CNTLN: variants seen among roughly 807,000 people sequenced by gnomAD.
The protein encoded by CNTLN is centlein, also known as centlein, centrosomal protein.
CNTLN carries 212 observed loss-of-function variants against 180.0 expected under a neutral mutation model. The observed-to-expected ratio is 1.18, with a 90% CI of 1.05 to 1.32. The LOEUF (loss-of-function observed/expected upper bound fraction) is 1.32. CNTLN is among the 40% of genes most tolerant of loss of function. The pLI is 0.00. For synonymous variants in CNTLN, 722 were observed against 563.1 expected (o/e 1.28, Z -3.99); for missense variants, 2,095 against 1,610.9 (o/e 1.30, Z -5.14).
At chr9:17,253,579 A>C (rs746003975) in intron 5 of CNTLN, among the ~76,000 whole-genome samples, 5 of 151,154 alleles carry the variant, frequency 3.3e-5, no homozygotes, top group African/African-American at 1.2e-4. Flanking sequence ...TTCATTACTA[A>C]TGTATGGAAA....
At chr9:17,354,339 G>C (rs1351576144) in intron 12 of CNTLN, among the ~76,000 whole-genome samples, 1 of 152,222 alleles carries the variant, frequency 6.6e-6, no homozygotes, top group Non-Finnish European at 1.5e-5. Context: ...CACCGGGACT[G>C]GCAGGCAGCT....
chr9:17,522,173 T>C, the CNTLN span, among the ~76,000 whole-genome samples: 1 of 152,128 alleles, frequency 6.6e-6, no homozygotes, highest in Non-Finnish European at 1.5e-5. Flanking sequence ...ATTAAGGAGG[T>C]AATAATACAT....
intron 7 of CNTLN, chr9:17,302,117 C>A: frequency 1.4e-6 from 1 of 716,886 alleles, no homozygotes; most frequent in Non-Finnish European, 1.6e-6. Flanking sequence ...CACACACACA[C>A]ACAGACACAC....
chr9:17,302,195 C>A, intron 7 of CNTLN: 1 of 840,114 alleles, frequency 1.2e-6, no homozygotes. Flanking sequence ...TAACCATATG[C>A]AATTCACTTT....
chr9:17,149,463 A>G (rs1818692216), intron 2 of CNTLN, among the ~76,000 whole-genome samples: 1 of 147,118 alleles, frequency 6.8e-6, no homozygotes, highest in Non-Finnish European at 1.5e-5. Context: ...ATTTCTCCAG[A>G]TTCTCTCCAG....
At chr9:17,162,312 C>T (rs1819738345) in intron 2 of CNTLN, among the ~76,000 whole-genome samples, 1 of 152,126 alleles carries the variant, frequency 6.6e-6, no homozygotes, top group South Asian at 2.1e-4. Flanking sequence ...GACAGGGTCT[C>T]ACTGTGTTAG....
intron 12 of CNTLN, among the ~76,000 whole-genome samples, chr9:17,348,159 A>G (rs544573477): frequency 1.3e-5 from 2 of 152,238 alleles, no homozygotes; most frequent in South Asian, 2.1e-4. Flanking sequence ...CGCACTGAGT[A>G]TGTCGTACGT....
intron 10 of CNTLN, among the ~76,000 whole-genome samples, chr9:17,340,549 A>T (rs1821396636): frequency 6.6e-6 from 1 of 152,214 alleles, no homozygotes; most frequent in Non-Finnish European, 1.5e-5. Flanking sequence ...AATGTATACT[A>T]ATTAACAACA....
At chr9:17,505,150 A>AC (rs1554736034), downstream of CNTLN, among the ~76,000 whole-genome samples, 1 of 151,230 alleles carries the variant, frequency 6.6e-6, no homozygotes, top group Non-Finnish European at 1.5e-5. Context: ...TTTAAAAAAA[A>AC]CTCAGAAAAC....
chr9:17,400,180 C>T (rs1315750066), intron 15 of CNTLN, among the ~76,000 whole-genome samples: 1 of 152,136 alleles, frequency 6.6e-6, no homozygotes, highest in African/African-American at 2.4e-5. Flanking sequence ...CCCTGTCACC[C>T]AGGCTGGAGT....
At chr9:17,372,439 G>A (rs1824402826) in intron 13 of CNTLN, among the ~76,000 whole-genome samples, 1 of 152,014 alleles carries the variant, frequency 6.6e-6, no homozygotes, top group South Asian at 2.1e-4. Flanking sequence ...GAAATCCAGA[G>A]CCTCAACGGA....
At position 17,484,438 on chromosome 9, in the gene CNTLN, A is replaced by G; in HGVS notation, c.3999A>G (p.Ser1333=). The G allele has an allele frequency of 1.2e-6, 2 of 1,606,698 alleles. No individual in the cohort carries two copies. ...QTLAASILNI[S]RSDLEEILDT... is the part of the protein sequence containing the mutation. The stretch of plus-strand genomic sequence containing the variant: ...TGGCAGCTTCTATCCTGAACATTTC[A>G]CGGTCAGATTTAGAGGAAATATTAG... Residue 1333 remains serine (S), a synonymous_variant, in exon 24 of 26, where the codon TCA becomes TCG. Transcript: ENST00000380647.
At chr9:17,465,870 G>GA in intron 21 of CNTLN, 111 bp from the exon 22 acceptor site, 1 of 751,848 alleles carries the variant, frequency 1.3e-6, no homozygotes, top group Non-Finnish European at 2.1e-6. Context: ...AGCGTTATGA[G>GA]AAAATAAATG....
chr9:17,211,864 G>A lies in CNTLN; in HGVS notation c.450-14339G>A, dbSNP rs201290394. On this transcript the variant is annotated intron_variant, in intron 2 of 25. Coordinates refer to ENST00000380647, the MANE Select transcript of CNTLN (RefSeq NM_017738.4). ...TGATTTGGCTCTCTGTTTGTCTGTT[G>A]TTGGTGTATAAGAATGCTTGCGATT... Among the ~76,000 whole-genome samples the A allele has an allele frequency of 3.3e-5, 5 of 152,114 alleles. No homozygotes were observed. In the East Asian group the frequency reaches 9.7e-4, roughly 29 times the overall value.
At position 17,503,269 on chromosome 9, in the gene CNTLN, T is replaced by C. The variant is rs1016402980; in HGVS notation, c.*617T>C. On this transcript the variant is annotated 3_prime_UTR_variant, in exon 26 of 26. Coordinates refer to ENST00000380647, the MANE Select transcript of CNTLN (RefSeq NM_017738.4). ...TCTCTCTCTTAACTTCACAATACTA[T>C]ACGTTGTGTAGTCATATAAATTTGC... The C allele has an allele frequency of 7.9e-5, 12 of 152,250 alleles. No individual in the cohort carries two copies. Among genetic ancestry groups the C allele is most frequent in the Non-Finnish European group, 1.6e-4 (11 of 68,064 alleles). 9.4% of individuals were successfully genotyped at this position (152,250 alleles called of 1,614,324 possible).
intron 12 of CNTLN, among the ~76,000 whole-genome samples, chr9:17,362,485 G>A (rs1185748676): frequency 1.4e-5 from 2 of 146,448 alleles, no homozygotes; most frequent in Non-Finnish European, 3.0e-5. Flanking sequence ...AAAAATGAGA[G>A]TATACATATC....
At chr9:17,281,145 C>G (rs559422601) in intron 6 of CNTLN, among the ~76,000 whole-genome samples, 39 of 152,196 alleles carry the variant, frequency 2.6e-4, no homozygotes, top group Non-Finnish European at 4.0e-4. Context: ...TTTTTCTTCA[C>G]TTTTCTTCTA....
At chr9:17,170,467 C>A (rs116085908) in intron 2 of CNTLN, among the ~76,000 whole-genome samples, 2,890 of 152,096 alleles carry the variant, frequency 0.019, 57 homozygotes, top group African/African-American at 0.05. Flanking sequence ...ATGGTGTTCC[C>A]TAAGTACTGT....
At chr9:17,428,476 T>C (rs1829225855) in intron 18 of CNTLN, among the ~76,000 whole-genome samples, 1 of 152,210 alleles carries the variant, frequency 6.6e-6, no homozygotes, top group Non-Finnish European at 1.5e-5. Context: ...ACTGAATGAC[T>C]CAGCTACTGT....
Sources: gnomAD v4.1 joint callset for allele counts (sites outside exome capture counted in the v4.1 genomes callset) on GRCh38, gnomAD v4.1.1 for gene constraint, MANE v1.5 for transcripts, NCBI Gene and HGNC (gene_info 2026-07-23, HGNC 2026-07-21) for gene names.